CSMD2: variants seen among roughly 807,000 people sequenced by gnomAD.
CSMD2 encodes CUB and sushi domain-containing protein 2.
Under a neutral mutation model 398.5 loss-of-function variants are expected in CSMD2, and 130 were observed. The observed-to-expected ratio is 0.33, with a 90% confidence interval of 0.28 to 0.38. CSMD2 has a LOEUF of 0.38. Among genes scored for constraint, CSMD2 ranks in the 10% least tolerant of loss-of-function variants. The probability of loss-of-function intolerance (pLI) is 1.00; values close to 1 mark genes in which losing one functional copy is unlikely to be tolerated. For missense variants in CSMD2, 3,829 were observed against 4,764.9 expected, an observed-to-expected ratio of 0.80 and a Z score of 5.78; for synonymous variants, 1,828 against 1,908.5, an observed-to-expected ratio of 0.96 and a Z score of 1.10.
At position 33,712,661 on chromosome 1, in the gene CSMD2, C is replaced by A. The variant is rs561099189; in HGVS notation, c.3406+1926G>T. Among the ~76,000 whole-genome samples the A allele has an allele frequency of 1.6e-4, 24 of 152,318 alleles. No homozygotes were observed. The East Asian group carries it at 4.2e-3, about 27-fold the overall frequency. Reference sequence around the variant, plus strand: ...TGTAATGAGATCAATGAGGCAAGAGCTTAAGGGCTGTGTGCATCTGTGGTC... The same window carrying A: ...TGTAATGAGATCAATGAGGCAAGAGATTAAGGGCTGTGTGCATCTGTGGTC... On this transcript the variant is annotated intron_variant, in intron 21 of 70. Coordinates refer to ENST00000373381, the MANE Select transcript of CSMD2 (RefSeq NM_001281956.2).
intron 19 of CSMD2, among the ~76,000 whole-genome samples, chr1:33,718,552 C>T (rs921729642): frequency 6.6e-6 from 1 of 152,178 alleles, no homozygotes; most frequent in African/African-American, 2.4e-5. Context: ...ACCTGCTACT[C>T]CAAGTGTGAT....
At chr1:33,983,996 T>C (rs1646259683) in intron 3 of CSMD2, among the ~76,000 whole-genome samples, 1 of 151,886 alleles carries the variant, frequency 6.6e-6, no homozygotes, top group Admixed American at 6.6e-5. Context: ...CTACTAAAAA[T>C]ACAAAAAATT....
At chr1:33,685,909 C>T (rs565767218) in intron 25 of CSMD2, among the ~76,000 whole-genome samples, 1 of 152,344 alleles carries the variant, frequency 6.6e-6, no homozygotes, top group Admixed American at 6.5e-5. Flanking sequence ...CAGCATCACA[C>T]AGTCTCTGGC....
At chr1:34,118,309 T>C (rs1052907611) in intron 1 of CSMD2, among the ~76,000 whole-genome samples, 2 of 152,158 alleles carry the variant, frequency 1.3e-5, no homozygotes, top group African/African-American at 2.4e-5. Context: ...ATAGCTAACA[T>C]TATGCTGAAT....
At chr1:34,154,628 A>T (rs558811644) in intron 1 of CSMD2, among the ~76,000 whole-genome samples, 2 of 152,342 alleles carry the variant, frequency 1.3e-5, no homozygotes, top group African/African-American at 4.8e-5. Context: ...TGAGTAAATA[A>T]AGTAAGAAAC....
chr1:33,675,557 G>C (rs970109130), intron 25 of CSMD2, among the ~76,000 whole-genome samples: 64 of 152,290 alleles, frequency 4.2e-4, no homozygotes, highest in African/African-American at 1.5e-3. Flanking sequence ...CATTACTTCT[G>C]AAACTATTCC....
At chr1:33,610,097 T>C (rs901190319) in intron 41 of CSMD2, among the ~76,000 whole-genome samples, 10 of 152,210 alleles carry the variant, frequency 6.6e-5, no homozygotes, top group Admixed American at 3.9e-4. Flanking sequence ...CACTGTGATC[T>C]TGGACTTCCT....
rs1659704988 is a variant in CSMD2 at position 33,572,680 on chromosome 1, C to CT, written c.7587_7588insA (p.Gly2530ArgfsTer4). The CT allele has an allele frequency of 6.2e-7, 1 of 1,609,746 alleles. No homozygotes were observed. The highest frequency in any genetic ancestry group is 8.5e-7 in the Non-Finnish European group (1 of 1,177,006). On this transcript the variant is annotated frameshift_variant, in exon 50 of 71. Transcript: ENST00000373381. LOFTEE classifies it high-confidence loss of function. ...CCATTCTTGGGGGCCTCAGGAAGCCCACAGGAAAGAGCTAGCAAAAGGAAA... is the reference window on the plus strand; with the variant it reads ...CCATTCTTGGGGGCCTCAGGAAGCCCTACAGGAAAGAGCTAGCAAAAGGAAA...
intron 2 of CSMD2, among the ~76,000 whole-genome samples, chr1:34,037,339 C>T (rs1479373387): frequency 6.6e-6 from 1 of 152,162 alleles, no homozygotes; most frequent in Non-Finnish European, 1.5e-5. Context: ...GCCTTGCTGA[C>T]TACCAGTACC....
intron 4 of CSMD2, among the ~76,000 whole-genome samples, chr1:33,933,986 G>A (rs1317962234): frequency 6.6e-6 from 1 of 152,138 alleles, no homozygotes; most frequent in Non-Finnish European, 1.5e-5. Flanking sequence ...CAGAAAGGGT[G>A]CAATGAACAA....
intron 2 of CSMD2, among the ~76,000 whole-genome samples, chr1:34,064,018 G>T (rs1026495177): frequency 6.6e-6 from 1 of 152,194 alleles, no homozygotes; most frequent in African/African-American, 2.4e-5. Flanking sequence ...AGCCATGGCT[G>T]GAGTGGCTGG....
chr1:34,161,219 G>T (rs1641299223), intron 1 of CSMD2, among the ~76,000 whole-genome samples: 1 of 152,204 alleles, frequency 6.6e-6, no homozygotes, highest in Admixed American at 6.5e-5. Flanking sequence ...GATTGCTCTG[G>T]AAGGGAAATA....
intron 68 of CSMD2, among the ~76,000 whole-genome samples, chr1:33,521,009 A>C (rs1654224447): frequency 6.6e-6 from 1 of 152,212 alleles, no homozygotes; most frequent in Non-Finnish European, 1.5e-5. Flanking sequence ...AGTGGCCTTA[A>C]TGCTCAGTTT....
chr1:33,537,995 T>C lies in CSMD2; in HGVS notation c.9632-386A>G, dbSNP rs1168092159. On this transcript the variant is annotated intron_variant, in intron 60 of 70. Transcript: ENST00000373381. The surrounding 1 kb of genome is among the most constrained non-coding windows in gnomAD (Gnocchi z 4.6). ...CGGCAAACCCAAGCCTATGTGATCG[T>C]AAATCTTGTTTCATTCACTTAGCAT... 6.6e-6 allele frequency among the ~76,000 whole-genome samples: 1 copy of C among 152,262 alleles called. No homozygotes were observed. Among genetic ancestry groups the C allele is most frequent in the African/African-American group, 2.4e-5 (1 of 41,468 alleles).
chr1:34,076,277 A>C (rs1033278592), intron 2 of CSMD2, among the ~76,000 whole-genome samples: 1 of 152,162 alleles, frequency 6.6e-6, no homozygotes, highest in Non-Finnish European at 1.5e-5. Context: ...GAATGGGTTG[A>C]CTCACTTGCC....
rs781114510 is a variant in CSMD2 at position 33,587,118 on chromosome 1, C to A, written c.6907G>T (p.Val2303Phe). 29 of 1,610,048 alleles carry A rather than the reference C, an allele frequency of 1.8e-5. 1 individual carries two copies. In the South Asian group the frequency reaches 3.2e-4, roughly 18 times the overall value. ...TTGAATTCTTCATTCTCTGTGACGACTTCGGCGTTGGGGAGGATGGTGGGA... is the reference window on the plus strand; with the variant it reads ...TTGAATTCTTCATTCTCTGTGACGAATTCGGCGTTGGGGAGGATGGTGGGA... ...PPPTILPNAEVVTENEEFNIG... is the reference protein window; with the variant it reads ...PPPTILPNAEFVTENEEFNIG... Residue 2303 changes from valine (V) to phenylalanine (F), a missense_variant, in exon 45 of 71, where the codon GTC (valine) becomes TTC (phenylalanine). Around this residue, in one of 5 missense-constraint regions of CSMD2, gnomAD observed 723 missense variants for 758.6 expected, o/e 0.95. Coordinates refer to ENST00000373381, the MANE Select transcript of CSMD2 (RefSeq NM_001281956.2).
chr1:33,812,349 G>C (rs1372066275), intron 9 of CSMD2, among the ~76,000 whole-genome samples: 1 of 152,160 alleles, frequency 6.6e-6, no homozygotes, highest in Non-Finnish European at 1.5e-5. Context: ...CACCTCCTGG[G>C]AGGAGATTTC....
intron 19 of CSMD2, among the ~76,000 whole-genome samples, chr1:33,723,679 T>G (rs542636850): frequency 1.3e-5 from 2 of 152,290 alleles, no homozygotes; most frequent in African/African-American, 4.8e-5. Context: ...AGGGGATCGC[T>G]GTGTTCAGTA....
Position 33,559,333 on chromosome 1 carries a change from C to T in CSMD2, c.8521G>A (p.Gly2841Arg), listed in dbSNP as rs765517196. Reference sequence around the variant, plus strand: ...GTGGGCAGCATGTCACTCCATTGCCCGCTGGCCAGGCATTGGGACCTAGCA... The same window carrying T: ...GTGGGCAGCATGTCACTCCATTGCCTGCTGGCCAGGCATTGGGACCTAGCA... ...GAARSQCLASGQWSDMLPTCR... is the reference protein window; with the variant it reads ...GAARSQCLASRQWSDMLPTCR... Residue 2841 changes from glycine to arginine, a missense_variant, in exon 54 of 71, where the codon GGG (glycine) becomes AGG (arginine). Physicochemically the swap from Gly to Arg is moderately radical, Grantham distance 125. This residue lies in a region of CSMD2 where 917 missense variants were observed against 1,199.5 expected (regional missense o/e 0.76). Coordinates refer to ENST00000373381, the MANE Select transcript of CSMD2 (RefSeq NM_001281956.2). This position sits in a 1 kb window ranked among gnomAD's most constrained non-coding sequence, Gnocchi z 4.0. The T allele has an allele frequency of 8.3e-5, 127 of 1,535,624 alleles. No individual in the cohort carries two copies. The highest frequency in any genetic ancestry group is 9.7e-5 in the Non-Finnish European group (111 of 1,146,912).
Sources: gnomAD v4.1 joint callset for allele counts (sites outside exome capture counted in the v4.1 genomes callset) on GRCh38, gnomAD v4.1.1 for gene constraint, gnomAD v4.1.1 regional missense constraint, Gnocchi (gnomAD v3.1) non-coding constraint, MANE v1.5 for transcripts, NCBI Gene and HGNC (gene_info 2026-07-23, HGNC 2026-07-21) for gene names.